The following PCDHGA1 variants were observed in gnomAD, a reference collection of about 807,000 sequenced individuals.
PCDHGA1 encodes protocadherin gamma subfamily A, 1.
A neutral mutation model predicts 58.0 loss-of-function variants in PCDHGA1; 32 were observed. That is an observed-to-expected ratio of 0.55 (90% CI 0.42 to 0.74). The LOEUF is 0.74. Among genes scored for constraint, PCDHGA1 ranks in the 30% least tolerant of loss-of-function variants. PCDHGA1 has a pLI of 0.00. For missense variants in PCDHGA1, 1,205 were observed against 1,182.3 expected (o/e 1.02, Z -0.28); for synonymous variants, 498 against 501.1 (o/e 0.99, Z 0.08).
intron 1 of PCDHGA1, chr5:141,412,426 A>G (rs1051574976): frequency 2.6e-5 from 4 of 152,234 alleles, no homozygotes; most frequent in African/African-American, 9.6e-5. Context: ...GTTTTACACA[A>G]AAAGGTTAAT....
intron 1 of PCDHGA1, among the ~76,000 whole-genome samples, chr5:141,463,545 T>C (rs1433047951): frequency 6.8e-6 from 1 of 146,704 alleles, no homozygotes; most frequent in East Asian, 2.1e-4. Flanking sequence ...GGCTCCCGGG[T>C]TCATGCCATT....
At chr5:141,424,092 C>G (rs1160250641) in intron 1 of PCDHGA1, 2 of 879,256 alleles carry the variant, frequency 2.3e-6, no homozygotes, top group Non-Finnish European at 2.8e-6. Context: ...CCATTATTTG[C>G]TATTACTGCT....
intron 1 of PCDHGA1, among the ~76,000 whole-genome samples, chr5:141,446,411 G>A (rs778985047): frequency 1.3e-5 from 2 of 152,086 alleles, no homozygotes; most frequent in Non-Finnish European, 2.9e-5. Flanking sequence ...TTGAGTTCCA[G>A]CCATGTTCAT....
At chr5:141,492,241 C>G (rs1351937353) in intron 1 of PCDHGA1, among the ~76,000 whole-genome samples, 2 of 152,186 alleles carry the variant, frequency 1.3e-5, no homozygotes, top group East Asian at 3.9e-4. Context: ...TGCTGGCCAC[C>G]CCCACGGCCC....
chr5:141,414,828 G>T (rs780047810), intron 1 of PCDHGA1: 1 of 1,614,210 alleles, frequency 6.2e-7, no homozygotes, highest in East Asian at 2.2e-5. Context: ...GCAACGTGTC[G>T]TTGAGCCTGT....
chr5:141,427,111 C>G (rs1324091636), intron 1 of PCDHGA1: 7 of 457,560 alleles, frequency 1.5e-5, no homozygotes, highest in South Asian at 1.1e-4. Context: ...GCGGAGATCA[C>G]CTACTCTTTC....
chr5:141,478,116 C>T (rs145816520), intron 1 of PCDHGA1: 1 of 1,613,974 alleles, frequency 6.2e-7, no homozygotes, highest in Non-Finnish European at 8.5e-7. Flanking sequence ...GTGTCAGTAA[C>T]CGAGGACTCT....
intron 1 of PCDHGA1, chr5:141,415,060 G>C (rs1428839232): frequency 1.2e-6 from 2 of 1,613,426 alleles, no homozygotes; most frequent in Admixed American, 1.7e-5. Flanking sequence ...GCACACGGGC[G>C]AGGTGCGCAC....
Position 141,485,486 on chromosome 5 carries a change from C to A in PCDHGA1, c.2422-9321C>A. On this transcript the variant is annotated intron_variant, in intron 1 of 3. Transcript: ENST00000517417. This position sits in a 1 kb window ranked among gnomAD's most constrained non-coding sequence, Gnocchi z 5.7. Reference sequence around the variant, plus strand: ...TGGGCTCAGTGCCAGCTGCATCGTGCCCCTGGAGTTTGTCACCGAAGGTCC... The same window carrying A: ...TGGGCTCAGTGCCAGCTGCATCGTGACCCTGGAGTTTGTCACCGAAGGTCC... 6.2e-7 allele frequency: 1 copy of A among 1,614,104 alleles called. No individual in the cohort carries two copies.
At chr5:141,439,207 C>A (rs1003519997) in intron 1 of PCDHGA1, among the ~76,000 whole-genome samples, 1 of 149,828 alleles carries the variant, frequency 6.7e-6, no homozygotes, top group Non-Finnish European at 1.5e-5. Context: ...AAAAAAAAAT[C>A]CATATGTGAA....
chr5:141,391,570 A>G (rs931571256), intron 1 of PCDHGA1: 4 of 152,236 alleles, frequency 2.6e-5, no homozygotes, highest in African/African-American at 7.2e-5. Context: ...TGCATAAGAA[A>G]ATATATTCAC....
chr5:141,345,526 G>A, intron 1 of PCDHGA1: 1 of 1,614,106 alleles, frequency 6.2e-7, no homozygotes, highest in Non-Finnish European at 8.5e-7. Flanking sequence ...ACTCTCCAGG[G>A]GGCGCCCCTG....
intron 1 of PCDHGA1, chr5:141,423,595 G>A: frequency 6.2e-7 from 1 of 1,613,216 alleles, no homozygotes; most frequent in Non-Finnish European, 8.5e-7. Flanking sequence ...TGAGAAAAGC[G>A]AGCCACTCTT....
At chr5:141,496,886 C>T (rs1562175671) in intron 2 of PCDHGA1, among the ~76,000 whole-genome samples, 1 of 135,246 alleles carries the variant, frequency 7.4e-6, no homozygotes, top group African/African-American at 2.9e-5. Context: ...ACAAGTAACA[C>T]TTAAAAAAAA....
chr5:141,419,824 AGCCACTGCCACGCT>A, intron 1 of PCDHGA1: 1 of 1,614,038 alleles, frequency 6.2e-7, no homozygotes, highest in South Asian at 1.1e-5. Context: ...CACCCCTTTC[AGCCACTGCCACGCT>A]GCACCTGGTG....
chr5:141,371,622 C>G (rs1198446488), intron 1 of PCDHGA1: 1 of 1,613,888 alleles, frequency 6.2e-7, no homozygotes, highest in African/African-American at 1.3e-5. Flanking sequence ...AGATGGAGCC[C>G]TGGACCGGGA....
At position 141,331,400 on chromosome 5, in the gene PCDHGA1, C is replaced by T. The variant is rs1449731856; in HGVS notation, c.716C>T (p.Pro239Leu). 6.8e-6 allele frequency: 11 copies of T among 1,614,018 alleles called. No homozygotes were observed. Among genetic ancestry groups the T allele is most frequent in the Non-Finnish European group, 9.3e-6 (11 of 1,179,904 alleles). ...YIQVVDANDN[P>L]PAFTQAQYHI... is the part of the protein sequence containing the mutation. ...CAGGTGGTGGATGCAAATGACAATCCTCCAGCATTTACTCAGGCACAATAC... is the reference window on the plus strand; with the variant it reads ...CAGGTGGTGGATGCAAATGACAATCTTCCAGCATTTACTCAGGCACAATAC... Residue 239 changes from proline to leucine, a missense_variant, in exon 1 of 4, where the codon CCT becomes CTT. By Grantham distance (98) the Pro-to-Leu change is moderately conservative. Transcript: ENST00000517417.
chr5:141,435,897 A>G (rs1206255678), intron 1 of PCDHGA1, among the ~76,000 whole-genome samples: 2 of 152,166 alleles, frequency 1.3e-5, no homozygotes, highest in East Asian at 1.9e-4. Context: ...TAGAGAATGA[A>G]AGACATCCAA....
intron 1 of PCDHGA1, chr5:141,419,971 C>T (rs1254783575): frequency 1.2e-6 from 2 of 1,613,942 alleles, no homozygotes; most frequent in African/African-American, 2.7e-5. Context: ...TGCTCTTTCT[C>T]CTCGCGGTGA....
Sources: allele counts gnomAD v4.1 joint callset (sites outside exome capture counted in the v4.1 genomes callset), GRCh38; gene constraint gnomAD v4.1.1; non-coding constraint Gnocchi (gnomAD v3.1); transcripts MANE v1.5; gene names NCBI Gene and HGNC (gene_info 2026-07-23, HGNC 2026-07-21).